NFAT5: variants seen among roughly 807,000 people sequenced by gnomAD.
The protein encoded by NFAT5 is nuclear factor of activated T cells 5, also known as nuclear factor of activated T-cells 5.
A neutral mutation model predicts 166.5 loss-of-function variants in NFAT5; 31 were observed. The ratio of observed to expected loss-of-function variants is 0.19; its 90% confidence interval spans 0.14 to 0.25. The LOEUF (loss-of-function observed/expected upper bound fraction) is 0.25, where lower values mean the gene tolerates loss of function less well. Ranked by LOEUF, NFAT5 falls within the 10% of genes least tolerant of loss-of-function variation. NFAT5 has a pLI of 1.00. For missense variants in NFAT5, 1,449 were observed against 1,821.8 expected (o/e 0.80, Z 3.72); for synonymous variants, 612 against 639.7 (o/e 0.96, Z 0.65).
At chr16:69,695,447 AAG>A in intron 14 of NFAT5, 68 bp downstream of exon 14, 1 of 1,070,504 alleles carries the variant, frequency 9.3e-7, no homozygotes, top group Non-Finnish European at 1.4e-6. Flanking sequence ...GATTTAGGTT[AAG>A]TAATAGTAGT....
intron 2 of NFAT5, among the ~76,000 whole-genome samples, chr16:69,578,006 T>G (rs2031401502): frequency 6.6e-6 from 1 of 152,100 alleles, no homozygotes; most frequent in South Asian, 2.1e-4. Context: ...AAAAATTTTT[T>G]TTTTTACCTG....
chr16:69,587,370 C>T (rs980983295), intron 2 of NFAT5, among the ~76,000 whole-genome samples: 3 of 112,188 alleles, frequency 2.7e-5, no homozygotes, highest in African/African-American at 1.1e-4. Flanking sequence ...GCCACCATGC[C>T]CGGCCTATTT....
chr16:69,651,126 T>G (rs1209198408), intron 4 of NFAT5, among the ~76,000 whole-genome samples: 1 of 152,260 alleles, frequency 6.6e-6, no homozygotes, highest in Non-Finnish European at 1.5e-5. Context: ...CTTTCTCATC[T>G]TAATATTACA....
At position 69,693,460 on chromosome 16, in the gene NFAT5, C is replaced by T; in HGVS notation, c.3635C>T (p.Pro1212Leu). ...QQAPISHIQTPMLSQEQAQPP... is the reference protein window; with the variant it reads ...QQAPISHIQTLMLSQEQAQPP... ...GCTCCAATATCACACATCCAGACTC[C>T]TATGCTTTCCCAAGAACAGGCACAA... The change falls in exon 13 of 15, where the codon CCT becomes CTT. Residue 1212 changes from proline to leucine, a missense_variant. Around this residue, in one of 7 missense-constraint regions of NFAT5, gnomAD observed 891 missense variants for 993.0 expected, o/e 0.90. Transcript: ENST00000349945. 6.2e-7 allele frequency: 1 copy of T among 1,614,194 alleles called. No homozygotes were observed. Among genetic ancestry groups the T allele is most frequent in the Non-Finnish European group, 8.5e-7 (1 of 1,180,034 alleles).
chr16:69,661,311 A>G (rs1170393405), intron 7 of NFAT5, among the ~76,000 whole-genome samples: 1 of 151,240 alleles, frequency 6.6e-6, no homozygotes, highest in Admixed American at 6.6e-5. Flanking sequence ...ATGGAAACTA[A>G]CATAAGCCAG....
At chr16:69,641,596 A>G (rs1045160959) in intron 3 of NFAT5, among the ~76,000 whole-genome samples, 2 of 152,252 alleles carry the variant, frequency 1.3e-5, no homozygotes, top group African/African-American at 4.8e-5. Context: ...ACTTCAGCAA[A>G]TATTTCTAAT....
At position 69,600,151 on chromosome 16, in the gene NFAT5, A is replaced by G. The variant is rs557834942; in HGVS notation, c.128-26252A>G. 2.7e-3 allele frequency among the ~76,000 whole-genome samples: 213 copies of G among 78,522 alleles called. 1 individual carries two copies. Among genetic ancestry groups the G allele is most frequent in the Non-Finnish European group, 2.3e-3 (93 of 40,936 alleles). 51.5% of individuals were successfully genotyped at this position (78,522 alleles called of 152,430 possible). On this transcript the variant is annotated intron_variant, in intron 2 of 14. Transcript: ENST00000349945. Reference sequence around the variant, plus strand: ...AAAAGACAGGATTCATTTCTCTGGGAAAAAAAAAAAAACAAGATATTTCAG... The same window carrying G: ...AAAAGACAGGATTCATTTCTCTGGGGAAAAAAAAAAAACAAGATATTTCAG...
chr16:69,588,956 A>AC (rs2032275251), intron 2 of NFAT5, among the ~76,000 whole-genome samples: 1 of 109,258 alleles, frequency 9.2e-6, no homozygotes, highest in Admixed American at 1.0e-4. Context: ...TTGGTGTTGG[A>AC]CCCTCCCTCC....
chr16:69,688,444 C>T (rs1363223780), intron 11 of NFAT5, among the ~76,000 whole-genome samples: 4 of 152,056 alleles, frequency 2.6e-5, no homozygotes, highest in South Asian at 2.1e-4. Context: ...GGCGTGGTCT[C>T]GGCTTACTGC....
At chr16:69,624,965 T>C (rs2034387486) in intron 2 of NFAT5, among the ~76,000 whole-genome samples, 1 of 151,834 alleles carries the variant, frequency 6.6e-6, no homozygotes, top group Admixed American at 6.6e-5. Context: ...AATGGCGCGA[T>C]CTTGGCTCAC....
chr16:69,631,298 G>T (rs1430975473), intron 3 of NFAT5, among the ~76,000 whole-genome samples: 2 of 152,050 alleles, frequency 1.3e-5, no homozygotes, highest in Non-Finnish European at 2.9e-5. Flanking sequence ...GGGCATGGTG[G>T]CAGGCTTCTG....
rs540764529 is a variant in NFAT5, at chr16:69,603,953, G to A, written c.128-22450G>A. Among the ~76,000 whole-genome samples, 4 of 152,154 alleles carry A rather than the reference G, an allele frequency of 2.6e-5. No individual in the cohort carries two copies. The East Asian group carries it at 7.7e-4, about 29-fold the overall frequency. ...AAATTTCCAACAACATTAATTTTTA[G>A]CTATATTATACTTAATTATATAATT... On this transcript the variant is annotated intron_variant, in intron 2 of 14. Transcript: ENST00000349945.
At chr16:69,616,907 T>TA (rs1482113252) in intron 2 of NFAT5, among the ~76,000 whole-genome samples, 1 of 151,542 alleles carries the variant, frequency 6.6e-6, no homozygotes, top group Non-Finnish European at 1.5e-5. Flanking sequence ...TGAGCCCTCT[T>TA]ATTCCTCTTG....
intron 9 of NFAT5, among the ~76,000 whole-genome samples, 200 bp downstream of exon 9, chr16:69,670,488 A>T (rs1414478661): frequency 6.6e-6 from 1 of 152,210 alleles, no homozygotes; most frequent in Non-Finnish European, 1.5e-5. Context: ...TCTATTTTAA[A>T]AAGTTAGGAT....
chr16:69,572,529 T>A (rs1310960637), intron 2 of NFAT5, among the ~76,000 whole-genome samples: 1 of 152,202 alleles, frequency 6.6e-6, no homozygotes, highest in East Asian at 1.9e-4. Context: ...GGAAAAAAAT[T>A]CAGCTGCAGA....
intron 2 of NFAT5, among the ~76,000 whole-genome samples, chr16:69,584,433 A>G (rs1250647441): frequency 6.6e-6 from 1 of 150,634 alleles, no homozygotes. Flanking sequence ...GGTTCAAATG[A>G]TTTTCATGCC....
intron 2 of NFAT5, among the ~76,000 whole-genome samples, chr16:69,579,945 T>A (rs1386239151): frequency 6.6e-6 from 1 of 152,176 alleles, no homozygotes; most frequent in Non-Finnish European, 1.5e-5. Flanking sequence ...GCATTTGGAA[T>A]AGTGCTTGAC....
chr16:69,566,405 GGGCGGGGA>G lies in NFAT5; in HGVS notation c.73+33_73+40del. On this transcript the variant is annotated intron_variant, in intron 1 of 14. Coordinates refer to ENST00000349945, the MANE Select transcript of NFAT5 (RefSeq NM_138713.4). The surrounding 1 kb of genome is among the most constrained non-coding windows in gnomAD (Gnocchi z 5.7). ...TCAGGCTGTGGGGGGTGGGGCGTGG[GGGCGGGGA>G]GACAGGGAGACAGGGAGACAGGGCC... 1 of 1,490,198 alleles carries G rather than the reference GGGCGGGGA, an allele frequency of 6.7e-7. No homozygotes were observed. Among genetic ancestry groups the G allele is most frequent in the Non-Finnish European group, 9.2e-7 (1 of 1,087,178 alleles). 92.3% of individuals were successfully genotyped at this position (1,490,198 alleles called of 1,614,324 possible). A position where few individuals can be genotyped will look rare whatever the true frequency, so the allele number is the denominator to read the frequency against.
At chr16:69,648,633 TA>T in intron 4 of NFAT5, 8 of 975,592 alleles carry the variant, frequency 8.2e-6, no homozygotes, top group Non-Finnish European at 9.7e-6. Flanking sequence ...GTATGACTTT[TA>T]ATTCCTTTAG....
Sources: gnomAD v4.1 joint callset for allele counts (sites outside exome capture counted in the v4.1 genomes callset) on GRCh38, gnomAD v4.1.1 for gene constraint, gnomAD v4.1.1 regional missense constraint, Gnocchi (gnomAD v3.1) non-coding constraint, MANE v1.5 for transcripts, NCBI Gene and HGNC (gene_info 2026-07-23, HGNC 2026-07-21) for gene names.